ANKRD28: variants seen among roughly 807,000 people sequenced by gnomAD.
ANKRD28 encodes the protein ankyrin repeat domain 28.
Under a neutral mutation model 126.5 loss-of-function variants are expected in ANKRD28, and 44 were observed. The observed-to-expected ratio is 0.35, with a 90% confidence interval of 0.27 to 0.45. The LOEUF (loss-of-function observed/expected upper bound fraction) is 0.45. Among genes scored for constraint, ANKRD28 ranks in the 20% least tolerant of loss-of-function variants. The pLI, the probability that ANKRD28 is intolerant of heterozygous loss-of-function variation, is 1.00. For missense variants in ANKRD28, 1,110 were observed against 1,316.6 expected, an observed-to-expected ratio of 0.84 and a Z score of 2.43; for synonymous variants, 442 against 468.5, an observed-to-expected ratio of 0.94 and a Z score of 0.73.
chr3:15,697,285 G>T (rs1440220714), intron 14 of ANKRD28: 1 of 153,084 alleles, frequency 6.5e-6, no homozygotes. Flanking sequence ...GACTCAGGGG[G>T]AAGTTCCCAA....
At chr3:15,848,205 A>G (rs2061566568) in intron 1 of ANKRD28, among the ~76,000 whole-genome samples, 1 of 152,262 alleles carries the variant, frequency 6.6e-6, no homozygotes, top group Non-Finnish European at 1.5e-5. Context: ...ACTCAAAACC[A>G]GAACCACAAA....
intron 10 of ANKRD28, among the ~76,000 whole-genome samples, chr3:15,713,090 T>C (rs764311901): frequency 3.3e-5 from 5 of 151,950 alleles, no homozygotes; most frequent in Non-Finnish European, 5.9e-5. Context: ...CTGACCAAAA[T>C]GGGGGTGGGG....
chr3:15,836,001 C>T lies in ANKRD28; in HGVS notation c.27+23376G>A, dbSNP rs2061319071. ...GTAACTGCATAGAACAACTATAAAACTGTATTGTCAAGTTTATCCCATATA... is the reference window on the plus strand; with the variant it reads ...GTAACTGCATAGAACAACTATAAAATTGTATTGTCAAGTTTATCCCATATA... On this transcript the variant is annotated intron_variant, in intron 1 of 27. Coordinates refer to the ANKRD28 transcript ENST00000399451. Among the ~76,000 whole-genome samples the T allele has an allele frequency of 2.0e-5, 3 of 152,110 alleles. No homozygotes were observed. In the South Asian group the frequency reaches 6.2e-4, roughly 32 times the overall value.
chr3:15,737,305 C>CGT (rs932838618), intron 4 of ANKRD28, 72 bp from the exon 5 acceptor site: 14 of 1,268,816 alleles, frequency 1.1e-5, no homozygotes, highest in Non-Finnish European at 1.5e-5. Context: ...ATATAGTGTG[C>CGT]GTGTGTGTGT....
Position 15,830,902 on chromosome 3 carries a change from G to C in ANKRD28, c.27+28475C>G, listed in dbSNP as rs139229730. 7.9e-4 allele frequency among the ~76,000 whole-genome samples: 120 copies of C among 152,206 alleles called. No homozygotes were observed. Among genetic ancestry groups the C allele is most frequent in the African/African-American group, 2.8e-3 (116 of 41,522 alleles). ...TGTGGTCAACCATACCTATGTGACT[G>C]ACTTCTCAATAAAAACTCTGGACAG... On this transcript the variant is annotated intron_variant, in intron 1 of 27. Coordinates refer to the ANKRD28 transcript ENST00000399451. The surrounding 1 kb of genome is among the most constrained non-coding windows in gnomAD (Gnocchi z 4.5).
intron 4 of ANKRD28, among the ~76,000 whole-genome samples, chr3:15,750,523 A>G (rs2057790266): frequency 6.6e-6 from 1 of 152,212 alleles, no homozygotes; most frequent in Non-Finnish European, 1.5e-5. Flanking sequence ...GACCCAGTTC[A>G]GAGTTAGGTT....
In ANKRD28 at chr3:15,724,423, T is replaced by C; in HGVS notation, c.742A>G (p.Met248Val). ...TPLHAAASSG[M>V]ISVVKYLLDL... ...AGAAGGTACTTGACTACGCTGATCA[T>C]TCCACTAGAGGCTGCTGCATGAAGA... The change falls in exon 7 of 28, where the codon ATG (methionine) becomes GTG (valine). Residue 248 changes from methionine to valine, a missense_variant. Physicochemically the swap from Met to Val is conservative, Grantham distance 21 (BLOSUM62 1). Transcript: ENST00000683139. The C allele has an allele frequency of 6.2e-7, 1 of 1,607,270 alleles. No individual in the cohort carries two copies. The highest frequency in any genetic ancestry group is 8.5e-7 in the Non-Finnish European group (1 of 1,176,548).
At chr3:15,710,400 C>A (rs925764274) in intron 12 of ANKRD28, among the ~76,000 whole-genome samples, 1 of 152,126 alleles carries the variant, frequency 6.6e-6, no homozygotes, top group African/African-American at 2.4e-5. Flanking sequence ...TCTCTGTAGG[C>A]AAGTTACGTG....
chr3:15,679,363 A>G lies in ANKRD28; in HGVS notation c.2499T>C (p.Ala833=). Residue 833 remains alanine, a synonymous_variant, in exon 23 of 28, where the codon GCT becomes GCC. Transcript: ENST00000683139. The part of the protein sequence containing the change: ...HCAVINDNEG[A]AEMLIDTLGA... Reference sequence around the variant, plus strand: ...CTAATGTATCAATTAACATCTCAGCAGCACCTTCGTTGTCATTTATCCTGT... The same window carrying G: ...CTAATGTATCAATTAACATCTCAGCGGCACCTTCGTTGTCATTTATCCTGT... 1 of 1,613,966 alleles carries G rather than the reference A, an allele frequency of 6.2e-7. No homozygotes were observed.
chr3:15,778,050 G>C (rs182858484), intron 2 of ANKRD28, among the ~76,000 whole-genome samples: 1 of 152,020 alleles, frequency 6.6e-6, no homozygotes, highest in African/African-American at 2.4e-5. Flanking sequence ...TAAAAAATGC[G>C]TATCATACAT....
intron 14 of ANKRD28, 141 bp from the exon 15 acceptor site, chr3:15,696,386 TG>T: frequency 1.8e-6 from 1 of 547,298 alleles, no homozygotes; most frequent in East Asian, 3.1e-5. Context: ...ACTATAAAAA[TG>T]TCATTTAAAT....
intron 2 of ANKRD28, among the ~76,000 whole-genome samples, chr3:15,790,659 T>C (rs971003783): frequency 3.9e-5 from 6 of 152,038 alleles, no homozygotes; most frequent in Non-Finnish European, 5.9e-5. Flanking sequence ...ATAAAAGCCA[T>C]ATATGACAGA....
intron 1 of ANKRD28, among the ~76,000 whole-genome samples, chr3:15,818,166 C>G (rs1559570323): frequency 6.6e-6 from 1 of 152,158 alleles, no homozygotes; most frequent in Non-Finnish European, 1.5e-5. Flanking sequence ...TATGCCACCC[C>G]TCCCTCACTC....
chr3:15,695,515 A>T (rs771540311), intron 15 of ANKRD28, among the ~76,000 whole-genome samples: 1 of 152,126 alleles, frequency 6.6e-6, no homozygotes, highest in Non-Finnish European at 1.5e-5. Context: ...CGCTCGTTGA[A>T]TTTTATTTCC....
chr3:15,778,545 G>C (rs112867551), intron 2 of ANKRD28, among the ~76,000 whole-genome samples: 9,379 of 152,246 alleles, frequency 0.062, 401 homozygotes, highest in Middle Eastern at 0.12. Context: ...GAATGCCTGA[G>C]TTCTTACCAT....
chr3:15,696,186 T>C lies in ANKRD28; in HGVS notation c.1607A>G (p.Tyr536Cys), dbSNP rs1418680063. The change falls in exon 15 of 28, where the codon TAC becomes TGC. Residue 536 changes from tyrosine to cysteine, a missense_variant. Coordinates refer to ENST00000683139, the MANE Select transcript of ANKRD28 (RefSeq NM_001349278.2). The stretch of plus-strand genomic sequence containing the variant: ...AGCAGCTGAATAATGAACTGCGTTG[T>C]ATCCTTGCTTATCACGGATCCCTGG... ...ANPGIRDKQG[Y>C]NAVHYSAAYG... The C allele has an allele frequency of 1.3e-6, 2 of 1,594,444 alleles. No homozygotes were observed. Among genetic ancestry groups the C allele is most frequent in the Non-Finnish European group, 1.7e-6 (2 of 1,168,750 alleles).
rs1042362047 is a variant in ANKRD28 at position 15,843,530 on chromosome 3, T to A, written c.27+15847A>T. On this transcript the variant is annotated intron_variant, in intron 1 of 27. Transcript: ENST00000399451. The surrounding 1 kb of genome is among the most constrained non-coding windows in gnomAD (Gnocchi z 5.2). Reference sequence around the variant, plus strand: ...AAAAATAAGAGATAAACAATACACCTCAATTTCAAATAAGGATAGAATTAG... The same window carrying A: ...AAAAATAAGAGATAAACAATACACCACAATTTCAAATAAGGATAGAATTAG... Among the ~76,000 whole-genome samples the A allele has an allele frequency of 1.3e-5, 2 of 151,450 alleles. No homozygotes were observed. The highest frequency in any genetic ancestry group is 2.9e-5 in the Non-Finnish European group (2 of 67,934).
chr3:15,729,713 C>T (rs996113687), intron 6 of ANKRD28, among the ~76,000 whole-genome samples: 2 of 152,014 alleles, frequency 1.3e-5, no homozygotes, highest in East Asian at 3.9e-4. Context: ...AAAAATTAAG[C>T]CAAGATACTG....
chr3:15,842,407 C>A (rs771714230), intron 1 of ANKRD28, among the ~76,000 whole-genome samples: 1 of 150,532 alleles, frequency 6.6e-6, no homozygotes, highest in Non-Finnish European at 1.5e-5. Context: ...AGACCATCCT[C>A]TGAGACCCAT....
Sources: allele counts gnomAD v4.1 joint callset (sites outside exome capture counted in the v4.1 genomes callset), GRCh38; gene constraint gnomAD v4.1.1; non-coding constraint Gnocchi (gnomAD v3.1); transcripts MANE v1.5; gene names NCBI Gene and HGNC (gene_info 2026-07-23, HGNC 2026-07-21).